Variants in RAP1GDS1 observed in about 807,000 individuals in gnomAD.
RAP1GDS1 encodes the protein Rap1 GTPase-GDP dissociation stimulator 1, also known as RAP1, GTP-GDP dissociation stimulator 1.
Under a neutral mutation model 71.1 loss-of-function variants are expected in RAP1GDS1, and 35 were observed. That is an observed-to-expected ratio of 0.49 (90% CI 0.38 to 0.65). The LOEUF is 0.65. Ranked by LOEUF, RAP1GDS1 falls within the 30% of genes least tolerant of loss-of-function variation. The pLI is 0.00. For synonymous variants in RAP1GDS1, 229 were observed against 243.1 expected, an observed-to-expected ratio of 0.94 and a Z score of 0.54; for missense variants, 663 against 706.1, an observed-to-expected ratio of 0.94 and a Z score of 0.69.
chr4:98,352,203 A>G (rs1578551168), intron 3 of RAP1GDS1, among the ~76,000 whole-genome samples: 1 of 152,156 alleles, frequency 6.6e-6, no homozygotes, highest in East Asian at 1.9e-4. Context: ...ATTAGTTGTG[A>G]TGTAAGTTAA....
chr4:98,311,391 A>G (rs1211835129), intron 2 of RAP1GDS1, among the ~76,000 whole-genome samples: 1 of 152,170 alleles, frequency 6.6e-6, no homozygotes, highest in Admixed American at 6.5e-5. Context: ...TGTAAAGAGA[A>G]AAGAAAATAA....
In RAP1GDS1 at chr4:98,442,267, A is replaced by C; in HGVS notation, c.*150A>C. 9.2e-7 allele frequency: 1 copy of C among 1,084,950 alleles called. No homozygotes were observed. The highest frequency in any genetic ancestry group is 1.3e-6 in the Non-Finnish European group (1 of 792,828). 67.2% of individuals were successfully genotyped at this position (1,084,950 alleles called of 1,614,324 possible). On this transcript the variant is annotated 3_prime_UTR_variant, in exon 15 of 15. Transcript: ENST00000408927. ...AAGAACCGCTGTAGGTACCTCCCTA[A>C]TAAGATTTCTAAACCTATAGTTAGT...
intron 2 of RAP1GDS1, among the ~76,000 whole-genome samples, chr4:98,296,029 AAACAACAACAACAAC>A (rs5860532): frequency 1.3e-5 from 2 of 150,316 alleles, no homozygotes; most frequent in Admixed American, 6.6e-5. Context: ...CTTGCTTTTT[AAACAACAACAACAAC>A]AACAACAACA....
At chr4:98,310,815 A>G (rs2110319115) in intron 2 of RAP1GDS1, among the ~76,000 whole-genome samples, 1 of 152,296 alleles carries the variant, frequency 6.6e-6, no homozygotes, top group South Asian at 2.1e-4. Flanking sequence ...TTGCTAAAAA[A>G]AAAAGATTTA....
At chr4:98,343,657 C>G (rs760953435) in intron 3 of RAP1GDS1, among the ~76,000 whole-genome samples, 3 of 151,944 alleles carry the variant, frequency 2.0e-5, no homozygotes, top group Non-Finnish European at 2.9e-5. Flanking sequence ...TTAGTTTGGC[C>G]TATTGTTCCG....
Position 98,277,852 on chromosome 4 carries a change from C to T in RAP1GDS1, c.5-15556C>T, listed in dbSNP as rs73832202. 4.9e-3 allele frequency among the ~76,000 whole-genome samples: 753 copies of T among 152,256 alleles called. 7 individuals carry two copies. The highest frequency in any genetic ancestry group is 0.018 in the South Asian group (85 of 4,816). ...GTTTGTCAGGCAGCAGCCTGTGGGC[C>T]AAATATACCATGTAGATGGATTTTG... On this transcript the variant is annotated intron_variant, in intron 1 of 14. Transcript: ENST00000408927.
chr4:98,354,706 T>A (rs984230398), intron 4 of RAP1GDS1, among the ~76,000 whole-genome samples: 2 of 152,164 alleles, frequency 1.3e-5, no homozygotes, highest in African/African-American at 4.8e-5. Flanking sequence ...CTTTAAGTTA[T>A]GAAGTTAATT....
chr4:98,313,827 A>G (rs1730593056), intron 2 of RAP1GDS1, among the ~76,000 whole-genome samples: 1 of 152,158 alleles, frequency 6.6e-6, no homozygotes, highest in Non-Finnish European at 1.5e-5. Flanking sequence ...ATCCTGAGCA[A>G]CAGAGCAAGA....
intron 7 of RAP1GDS1, among the ~76,000 whole-genome samples, chr4:98,415,895 T>C (rs2110180811): frequency 6.6e-6 from 1 of 152,296 alleles, no homozygotes. Context: ...GAAGCCCTTT[T>C]TAAAAACACG....
chr4:98,319,570 C>T (rs1024288479), intron 2 of RAP1GDS1, among the ~76,000 whole-genome samples: 2 of 151,924 alleles, frequency 1.3e-5, no homozygotes, highest in African/African-American at 4.8e-5. Flanking sequence ...CACTTGAGGT[C>T]AGGAGTTCAA....
chr4:98,397,809 T>C lies in RAP1GDS1; in HGVS notation c.637+5729T>C, dbSNP rs144791716. Among the ~76,000 whole-genome samples, 5 of 152,256 alleles carry C rather than the reference T, an allele frequency of 3.3e-5. No individual in the cohort carries two copies. In the East Asian group the frequency reaches 9.7e-4, roughly 29 times the overall value. On this transcript the variant is annotated intron_variant, in intron 6 of 14. Coordinates refer to ENST00000408927, the MANE Select transcript of RAP1GDS1 (RefSeq NM_001100427.2). ...AAAAAGAGGGTTTCTTGATGGAGGA[T>C]ATGACACTAAATTGAAGTAAAAGGT...
intron 7 of RAP1GDS1, among the ~76,000 whole-genome samples, chr4:98,410,066 C>T (rs1013625251): frequency 5.3e-5 from 8 of 151,908 alleles, no homozygotes; most frequent in Admixed American, 1.3e-4. Flanking sequence ...ACCAGGAGTT[C>T]GAGACCAGCC....
rs1231067015 is a variant in RAP1GDS1 at position 98,436,096 on chromosome 4, A to G, written c.1568-844A>G. 2.7e-5 allele frequency among the ~76,000 whole-genome samples: 4 copies of G among 150,336 alleles called. No homozygotes were observed. In the East Asian group the frequency reaches 7.7e-4, roughly 29 times the overall value. On this transcript the variant is annotated intron_variant, in intron 13 of 14. Transcript: ENST00000408927. ...AAAAAAAAAATATATATATATATAT[A>G]TATCGGTATAAGGTACGAGGTTTAG...
At chr4:98,324,922 G>A (rs1307924168) in intron 2 of RAP1GDS1, among the ~76,000 whole-genome samples, 1 of 152,012 alleles carries the variant, frequency 6.6e-6, no homozygotes, top group African/African-American at 2.4e-5. Context: ...TTGACAAATG[G>A]GATCTCATAA....
intron 7 of RAP1GDS1, among the ~76,000 whole-genome samples, chr4:98,407,322 T>A (rs1419797443): frequency 1.3e-5 from 2 of 152,134 alleles, no homozygotes; most frequent in African/African-American, 4.8e-5. Context: ...AAAAAAAAAT[T>A]TTTTAAGTAG....
intron 3 of RAP1GDS1, among the ~76,000 whole-genome samples, chr4:98,347,690 C>T (rs1012472765): frequency 6.6e-6 from 1 of 152,170 alleles, no homozygotes; most frequent in Admixed American, 6.5e-5. Flanking sequence ...CTGCCCCTTT[C>T]CCCGAACCAA....
chr4:98,291,769 T>G (rs2042654), intron 1 of RAP1GDS1, among the ~76,000 whole-genome samples: 21,565 of 152,038 alleles, frequency 0.14, 2,208 homozygotes, highest in African/African-American at 0.29. Context: ...GTTTCTAAAA[T>G]AACAGGAATG....
intron 4 of RAP1GDS1, among the ~76,000 whole-genome samples, chr4:98,365,527 G>A (rs1258512671): frequency 6.6e-6 from 1 of 152,008 alleles, no homozygotes; most frequent in Non-Finnish European, 1.5e-5. Flanking sequence ...GGAGGCTGAT[G>A]TGGGAGGATC....
intron 2 of RAP1GDS1, among the ~76,000 whole-genome samples, chr4:98,302,174 T>G (rs1318586804): frequency 6.6e-6 from 1 of 152,194 alleles, no homozygotes; most frequent in African/African-American, 2.4e-5. Context: ...GTTGCAGTTA[T>G]CATTAACAGA....
Sources: allele counts gnomAD v4.1 joint callset (sites outside exome capture counted in the v4.1 genomes callset), GRCh38; gene constraint gnomAD v4.1.1; transcripts MANE v1.5; gene names NCBI Gene and HGNC (gene_info 2026-07-23, HGNC 2026-07-21).